Variants in DPP6 observed in about 807,000 individuals in gnomAD.
DPP6 encodes the protein A-type potassium channel modulatory protein DPP6.
A neutral mutation model predicts 122.6 loss-of-function variants in DPP6; 69 were observed. The ratio of observed to expected loss-of-function variants is 0.56; its 90% confidence interval spans 0.46 to 0.69. The LOEUF is 0.69. Ranked by LOEUF, DPP6 falls within the 30% of genes least tolerant of loss-of-function variation. DPP6 has a pLI of 0.00. For missense variants in DPP6, 928 were observed against 1,116.9 expected, an observed-to-expected ratio of 0.83 and a Z score of 2.41; for synonymous variants, 418 against 433.1, an observed-to-expected ratio of 0.97 and a Z score of 0.43.
intron 1 of DPP6, among the ~76,000 whole-genome samples, chr7:154,288,600 A>G (rs967125012): frequency 5.3e-5 from 8 of 152,220 alleles, no homozygotes; most frequent in Non-Finnish European, 1.2e-4. Flanking sequence ...AGCATTTTTT[A>G]AAATAAGCTG....
chr7:154,661,985 C>T (rs1476787328), intron 6 of DPP6, among the ~76,000 whole-genome samples: 6 of 148,454 alleles, frequency 4.0e-5, no homozygotes, highest in Non-Finnish European at 8.9e-5. Context: ...GGTGTATTGG[C>T]GCTAGTGTTC....
chr7:154,696,262 C>A (rs996193324), intron 7 of DPP6, among the ~76,000 whole-genome samples: 1 of 152,110 alleles, frequency 6.6e-6, no homozygotes, highest in African/African-American at 2.4e-5. Flanking sequence ...TGTGGAGTAA[C>A]CTAAGAAGTC....
intron 1 of DPP6, chr7:154,093,904 C>T: frequency 6.6e-6 from 1 of 152,258 alleles, no homozygotes; most frequent in Non-Finnish European, 1.5e-5. Context: ...CCCGTGTGTG[C>T]CCCTTACAGT....
the DPP6 span, among the ~76,000 whole-genome samples, chr7:153,840,711 A>G: frequency 6.6e-6 from 1 of 152,200 alleles, no homozygotes; most frequent in Non-Finnish European, 1.5e-5. Context: ...TTAGGGGATT[A>G]CTGTAAGAAC....
chr7:153,943,614 T>C (rs1462235771), intron 1 of DPP6, among the ~76,000 whole-genome samples: 1 of 152,130 alleles, frequency 6.6e-6, no homozygotes, highest in Non-Finnish European at 1.5e-5. Context: ...CCCTTTCCAG[T>C]GTCAATCTCA....
Position 154,688,875 on chromosome 7 carries a change from A to G in DPP6, c.762+19434A>G, listed in dbSNP as rs1164198507. On this transcript the variant is annotated intron_variant, in intron 7 of 25. Coordinates refer to ENST00000377770, the MANE Select transcript of DPP6 (RefSeq NM_130797.4). ...ATACTTTGTATCCCTCAATCCAATC[A>G]AGTTGACACTCAGTATTAACCATCA... Among the ~76,000 whole-genome samples, 6 of 152,200 alleles carry G rather than the reference A, an allele frequency of 3.9e-5. No individual in the cohort carries two copies. In the East Asian group the frequency reaches 1.2e-3, roughly 29 times the overall value.
chr7:154,794,176 G>T lies in DPP6; in HGVS notation c.1234G>T (p.Asp412Tyr). ...GAACGTGTCCATCCTCACCCTCTGC[G>T]ACGCCACCACGGGGGTCTGCACGAA... ...AQNVSILTLC[D>Y]ATTGVCTKKH... Residue 412 changes from aspartate (D) to tyrosine (Y), a missense_variant, in exon 11 of 26, where the codon GAC becomes TAC. By Grantham distance (160) the Asp-to-Tyr change is radical. Coordinates refer to ENST00000377770, the MANE Select transcript of DPP6 (RefSeq NM_130797.4). The T allele has an allele frequency of 6.2e-7, 1 of 1,611,446 alleles. No individual in the cohort carries two copies. Among genetic ancestry groups the T allele is most frequent in the Non-Finnish European group, 8.5e-7 (1 of 1,178,738 alleles).
intron 3 of DPP6, among the ~76,000 whole-genome samples, chr7:154,518,161 C>T (rs78742003): frequency 1.3e-5 from 2 of 152,152 alleles, no homozygotes; most frequent in East Asian, 1.9e-4. Context: ...AAGAACAACC[C>T]GTAAAGATTA....
rs189467742 is a variant in DPP6, at chr7:154,218,765, A to G, written c.243+165702A>G. On this transcript the variant is annotated intron_variant, in intron 1 of 25. Coordinates refer to ENST00000377770, the MANE Select transcript of DPP6 (RefSeq NM_130797.4). ...GCTCCACTGCACCACCACAGAATCT[A>G]TCTCTGCCAGTCCAGAATTGTAAAT... Among the ~76,000 whole-genome samples, 6 of 152,312 alleles carry G rather than the reference A, an allele frequency of 3.9e-5. No individual in the cohort carries two copies. In the South Asian group the frequency reaches 6.2e-4, roughly 16 times the overall value.
chr7:153,997,822 T>A (rs938442077), intron 1 of DPP6, among the ~76,000 whole-genome samples: 1 of 151,108 alleles, frequency 6.6e-6, no homozygotes, highest in Non-Finnish European at 1.5e-5. Flanking sequence ...TCTGCGTTCA[T>A]GCCACCTACA....
chr7:154,433,670 TCTTCTC>T (rs1818633498), intron 1 of DPP6, among the ~76,000 whole-genome samples: 1 of 152,236 alleles, frequency 6.6e-6, no homozygotes, highest in Admixed American at 6.5e-5. Flanking sequence ...TGTCAATTAG[TCTTCTC>T]CTTCTGTCCT....
chr7:153,848,356 A>T, the DPP6 span, among the ~76,000 whole-genome samples: 1 of 149,442 alleles, frequency 6.7e-6, no homozygotes, highest in Non-Finnish European at 1.5e-5. Flanking sequence ...AAACTAACTT[A>T]TCTGGATCAA....
the DPP6 span, among the ~76,000 whole-genome samples, chr7:153,851,764 A>G: frequency 5.0e-4 from 76 of 152,226 alleles, no homozygotes; most frequent in Non-Finnish European, 6.9e-4. Context: ...ACATTCTTTC[A>G]TATAGTACTA....
the DPP6 span, among the ~76,000 whole-genome samples, chr7:153,748,533 C>G: frequency 5.8e-5 from 3 of 51,418 alleles, no homozygotes; most frequent in African/African-American, 7.9e-5. Flanking sequence ...CTGGCTTTCG[C>G]GGGTTTCCCC....
chr7:154,144,796 C>T (rs1355529871), intron 1 of DPP6, among the ~76,000 whole-genome samples: 7 of 151,632 alleles, frequency 4.6e-5, no homozygotes, highest in South Asian at 4.2e-4. Flanking sequence ...GAAGAGACAG[C>T]GGAGCTTGCT....
chr7:153,942,885 G>A (rs1224679747), intron 1 of DPP6, among the ~76,000 whole-genome samples: 2 of 152,190 alleles, frequency 1.3e-5, no homozygotes, highest in Non-Finnish European at 2.9e-5. Flanking sequence ...CACAGTGAGT[G>A]TGGTGCTGAC....
chr7:153,932,048 T>TTC (rs1801192817), intron 1 of DPP6, among the ~76,000 whole-genome samples: 1 of 152,116 alleles, frequency 6.6e-6, no homozygotes, highest in African/African-American at 2.4e-5. Flanking sequence ...AAGTGAGACT[T>TTC]GTAAAAGGTG....
At chr7:154,731,564 C>A (rs560255550) in intron 8 of DPP6, among the ~76,000 whole-genome samples, 11 of 152,132 alleles carry the variant, frequency 7.2e-5, no homozygotes, top group East Asian at 1.9e-4. Flanking sequence ...TCAGCACTGG[C>A]TGTGAACTCA....
chr7:154,892,980 T>G lies in DPP6; in HGVS notation c.*500T>G. 1 of 514,470 alleles carries G rather than the reference T, an allele frequency of 1.9e-6. No homozygotes were observed. The allele number at this position is 514,470 out of a possible 1,614,324, so 31.9% of individuals were successfully genotyped here. On this transcript the variant is annotated 3_prime_UTR_variant, in exon 26 of 26. Coordinates refer to ENST00000377770, the MANE Select transcript of DPP6 (RefSeq NM_130797.4). Reference sequence around the variant, plus strand: ...GTTCATATATGGGCTTGCTACTTCCTGTAATGAGGACGTTCAACATGGTGA... The same window carrying G: ...GTTCATATATGGGCTTGCTACTTCCGGTAATGAGGACGTTCAACATGGTGA...
Sources: allele counts gnomAD v4.1 joint callset (sites outside exome capture counted in the v4.1 genomes callset), GRCh38; gene constraint gnomAD v4.1.1; transcripts MANE v1.5; gene names NCBI Gene and HGNC (gene_info 2026-07-23, HGNC 2026-07-21).